Variants in FGGY observed in about 807,000 individuals in gnomAD.
FGGY encodes the protein FGGY carbohydrate kinase domain-containing protein.
A neutral mutation model predicts 71.3 loss-of-function variants in FGGY; 72 were observed. The ratio of observed to expected loss-of-function variants is 1.01; its 90% CI spans 0.84 to 1.23. The LOEUF (loss-of-function observed/expected upper bound fraction) is 1.23, where lower values mean the gene tolerates loss of function less well. Ranked by LOEUF, FGGY falls within the 50% of genes most tolerant of loss-of-function variation. The probability of loss-of-function intolerance (pLI) is 0.00; values close to 1 mark genes in which losing one functional copy is unlikely to be tolerated. For missense variants in FGGY, 668 were observed against 682.3 expected, an observed-to-expected ratio of 0.98 and a Z score of 0.23; for synonymous variants, 251 against 250.3, an observed-to-expected ratio of 1.00 and a Z score of -0.02.
intron 4 of FGGY, among the ~76,000 whole-genome samples, chr1:59,349,523 A>C (rs563467965): frequency 6.6e-6 from 1 of 152,292 alleles, no homozygotes; most frequent in Admixed American, 6.5e-5. Context: ...CTCGCACTTG[A>C]GATAAAACTG....
chr1:59,582,558 T>C (rs958259426), intron 8 of FGGY, among the ~76,000 whole-genome samples: 26 of 149,762 alleles, frequency 1.7e-4, no homozygotes, highest in African/African-American at 6.6e-4. Flanking sequence ...TATAGCACCC[T>C]TCCCTCTACT....
intron 14 of FGGY, among the ~76,000 whole-genome samples, chr1:59,713,331 A>T (rs1055732270): frequency 4.0e-5 from 6 of 151,890 alleles, no homozygotes; most frequent in African/African-American, 2.4e-5. Context: ...AAACCGTTCT[A>T]CCCTCTGCCT....
chr1:59,440,094 CAAAAAAA>C (rs140279518), intron 5 of FGGY, among the ~76,000 whole-genome samples: 4 of 125,542 alleles, frequency 3.2e-5, no homozygotes, highest in African/African-American at 8.8e-5. Flanking sequence ...TTGCAAGGTT[CAAAAAAA>C]AAAAAAAAAA....
chr1:59,642,771 C>T (rs983311588), intron 11 of FGGY, among the ~76,000 whole-genome samples: 7 of 151,822 alleles, frequency 4.6e-5, no homozygotes, highest in Non-Finnish European at 8.8e-5. Context: ...GTGGCTCACA[C>T]CTGTAATCCC....
intron 14 of FGGY, among the ~76,000 whole-genome samples, chr1:59,698,219 G>A (rs113311952): frequency 1.8e-4 from 27 of 152,160 alleles, no homozygotes; most frequent in African/African-American, 6.5e-4. Context: ...ATTTGAAAGG[G>A]GAGAAAGATA....
intron 5 of FGGY, among the ~76,000 whole-genome samples, chr1:59,418,235 T>G (rs923615701): frequency 2.0e-5 from 3 of 152,164 alleles, no homozygotes; most frequent in African/African-American, 7.2e-5. Flanking sequence ...TTGGCAGATG[T>G]CTTTTGCAAA....
At position 59,340,041 on chromosome 1, in the gene FGGY, G is replaced by C. The variant is rs184449304; in HGVS notation, c.285G>C (p.Gln95His). 216 of 1,612,910 alleles carry C rather than the reference G, an allele frequency of 1.3e-4. No homozygotes were observed. The highest frequency in any genetic ancestry group is 1.7e-4 in the Non-Finnish European group (206 of 1,179,410). Reference sequence around the variant, plus strand: ...GTTCTCTGGTTGTTTTGGATAAGCAGTTTCACCCATTACCAGTCAACCAGG... The same window carrying C: ...GTTCTCTGGTTGTTTTGGATAAGCACTTTCACCCATTACCAGTCAACCAGG... ...ATCSLVVLDKQFHPLPVNQEG... is the reference protein window; with the variant it reads ...ATCSLVVLDKHFHPLPVNQEG... The change falls in exon 3 of 16, where the codon CAG (glutamine) becomes CAC (histidine). Residue 95 changes from glutamine to histidine, a missense_variant. Around this residue, in one of 2 missense-constraint regions of FGGY, gnomAD observed 661 missense variants for 661.6 expected, o/e 1.00. Coordinates refer to ENST00000303721, the MANE Select transcript of FGGY (RefSeq NM_018291.5).
chr1:59,564,388 T>C (rs1356043678), intron 8 of FGGY, among the ~76,000 whole-genome samples: 1 of 152,240 alleles, frequency 6.6e-6, no homozygotes, highest in Non-Finnish European at 1.5e-5. Context: ...GCTACGTTTT[T>C]AGAGCTGTGT....
At chr1:59,371,790 A>G (rs917351457) in intron 4 of FGGY, among the ~76,000 whole-genome samples, 1 of 152,202 alleles carries the variant, frequency 6.6e-6, no homozygotes, top group Non-Finnish European at 1.5e-5. Context: ...AAACTGAACA[A>G]CCTGCTCCTG....
chr1:59,437,317 A>T (rs1333414461), intron 5 of FGGY, among the ~76,000 whole-genome samples: 1 of 152,232 alleles, frequency 6.6e-6, no homozygotes, highest in Non-Finnish European at 1.5e-5. Context: ...GTGCAGAGAT[A>T]AACCCACTCC....
chr1:59,560,802 A>G (rs1292753152), intron 8 of FGGY, among the ~76,000 whole-genome samples: 3 of 152,182 alleles, frequency 2.0e-5, no homozygotes, highest in Admixed American at 6.5e-5. Flanking sequence ...TGGTGGAAGT[A>G]GGAAGAAGGG....
At chr1:59,614,209 A>T (rs1369712910) in intron 9 of FGGY, among the ~76,000 whole-genome samples, 1 of 152,250 alleles carries the variant, frequency 6.6e-6, no homozygotes, top group Admixed American at 6.5e-5. Context: ...AGAGAATTTT[A>T]GACCAATATC....
chr1:59,637,191 G>C (rs79036205), intron 10 of FGGY, among the ~76,000 whole-genome samples: 12 of 152,146 alleles, frequency 7.9e-5, no homozygotes, highest in Non-Finnish European at 1.6e-4. Context: ...CCATTTTACC[G>C]AGCTAGGAGA....
chr1:59,674,093 T>C lies in FGGY; in HGVS notation c.1472T>C (p.Val491Ala). Residue 491 changes from valine (V) to alanine (A), a missense_variant, in exon 14 of 16, where the codon GTT (valine) becomes GCT (alanine). Transcript: ENST00000303721. Reference sequence around the variant, plus strand: ...GAGTCCGTTCTTGTGGGTGCTGCTGTTCTGGGTGCCTGTGCCTCAGGGGAT... The same window carrying C: ...GAGTCCGTTCTTGTGGGTGCTGCTGCTCTGGGTGCCTGTGCCTCAGGGGAT... Reference protein sequence around the residue: ...EVESVLVGAAVLGACASGDFA... With the variant: ...EVESVLVGAAALGACASGDFA... 6.2e-7 allele frequency: 1 copy of C among 1,614,016 alleles called. No homozygotes were observed. Among genetic ancestry groups the C allele is most frequent in the Non-Finnish European group, 8.5e-7 (1 of 1,179,960 alleles).
intron 7 of FGGY, among the ~76,000 whole-genome samples, chr1:59,526,451 C>T (rs2094982693): frequency 6.6e-6 from 1 of 152,228 alleles, no homozygotes; most frequent in African/African-American, 2.4e-5. Context: ...GAAGATGACC[C>T]AGTCCCTTCT....
intron 2 of FGGY, among the ~76,000 whole-genome samples, chr1:59,336,004 A>T (rs1211277072): frequency 6.6e-6 from 1 of 152,006 alleles, no homozygotes; most frequent in East Asian, 1.9e-4. Context: ...TTAAATTTTG[A>T]TGAAGTCAAA....
At chr1:59,733,209 CTG>C (rs2098059453) in intron 14 of FGGY, 1 of 154,286 alleles carries the variant, frequency 6.5e-6, no homozygotes, top group African/African-American at 2.4e-5. Context: ...GCCATGGTGA[CTG>C]TGCATAAAGC....
intron 1 of FGGY, among the ~76,000 whole-genome samples, chr1:59,302,023 C>T (rs1281431397): frequency 6.6e-6 from 1 of 151,728 alleles, no homozygotes; most frequent in Non-Finnish European, 1.5e-5. Context: ...AGGCGTGAGC[C>T]ACTGCGCCCA....
chr1:59,558,416 T>TG (rs2095728904), intron 8 of FGGY, among the ~76,000 whole-genome samples: 1 of 152,126 alleles, frequency 6.6e-6, no homozygotes, highest in South Asian at 2.1e-4. Context: ...GCTGGGCTGC[T>TG]GGGGGTGACA....
Sources: allele counts gnomAD v4.1 joint callset (sites outside exome capture counted in the v4.1 genomes callset), GRCh38; gene constraint gnomAD v4.1.1; regional missense constraint gnomAD v4.1.1; transcripts MANE v1.5; gene names NCBI Gene and HGNC (gene_info 2026-07-23, HGNC 2026-07-21).